Variants in SNRPC observed in about 807,000 individuals in gnomAD.
The protein encoded by SNRPC is small nuclear ribonucleoprotein polypeptide C, also known as U1 small nuclear ribonucleoprotein C.
SNRPC carries 5 observed loss-of-function variants against 20.0 expected under a neutral mutation model. The ratio of observed to expected loss-of-function variants is 0.25; its 90% CI spans 0.13 to 0.53. SNRPC has a LOEUF of 0.53. SNRPC is among the 20% of genes least tolerant of loss of function. The pLI is 0.96. For synonymous variants in SNRPC, 61 were observed against 58.7 expected, an observed-to-expected ratio of 1.04 and a Z score of -0.18; for missense variants, 112 against 224.1, an observed-to-expected ratio of 0.50 and a Z score of 3.19.
intron 3 of SNRPC, among the ~76,000 whole-genome samples, chr6:34,765,432 T>C (rs1223066203): frequency 3.3e-5 from 5 of 151,204 alleles, no homozygotes; most frequent in African/African-American, 7.3e-5. Flanking sequence ...TATTTATTTA[T>C]TTATTTATTT....
At chr6:34,758,774 T>C (rs1230577062) in intron 2 of SNRPC, among the ~76,000 whole-genome samples, 1 of 151,816 alleles carries the variant, frequency 6.6e-6, no homozygotes, top group Admixed American at 6.6e-5. Context: ...GATTATGTAA[T>C]GAAAACCCTT....
In SNRPC at chr6:34,773,760, T is replaced by C. The variant is rs149354688; in HGVS notation, c.*190T>C. ...TGCAGTTTTCCTTTGTATTGGGAAA[T>C]GTGAAAATAAAATTGTCAACTCTTT... On this transcript the variant is annotated 3_prime_UTR_variant, in exon 6 of 6. Transcript: ENST00000244520. This position sits in a 1 kb window ranked among gnomAD's most constrained non-coding sequence, Gnocchi z 4.1. 8.7e-6 allele frequency: 4 copies of C among 459,136 alleles called. No individual in the cohort carries two copies. In the East Asian group the frequency reaches 1.3e-4, roughly 15 times the overall value. 28.4% of individuals were successfully genotyped at this position (459,136 alleles called of 1,614,324 possible).
At chr6:34,764,005 A>G (rs982769895) in intron 3 of SNRPC, among the ~76,000 whole-genome samples, 2 of 150,036 alleles carry the variant, frequency 1.3e-5, no homozygotes, top group Non-Finnish European at 3.0e-5. Context: ...GTGAGCCACC[A>G]TGCCCAGCCA....
intron 3 of SNRPC, among the ~76,000 whole-genome samples, chr6:34,764,457 CAA>C (rs1257162818): frequency 6.7e-6 from 1 of 148,536 alleles, no homozygotes; most frequent in Non-Finnish European, 1.5e-5. Flanking sequence ...GCCTGGGCAA[CAA>C]GAGGGAAACT....
chr6:34,772,221 G>A (rs951489676), intron 5 of SNRPC, among the ~76,000 whole-genome samples: 1 of 152,116 alleles, frequency 6.6e-6, no homozygotes, highest in African/African-American at 2.4e-5. Flanking sequence ...TACTATTCTT[G>A]TGTATGTTTG....
At position 34,757,781 on chromosome 6, in the gene SNRPC, T is replaced by A. The variant is rs1452245716; in HGVS notation, c.9-131T>A. The A allele has an allele frequency of 2.5e-6, 4 of 1,591,282 alleles. No homozygotes were observed. In the East Asian group the frequency reaches 9.0e-5, roughly 36 times the overall value. On this transcript the variant is annotated intron_variant, in intron 1 of 5. Transcript: ENST00000244520. ...GGTTTATGTGTCGACGCTTTGATGC[T>A]TTTGAGTCGTGAGGCGGTCTGGCTT...
At chr6:34,763,256 C>T (rs769286828) in intron 3 of SNRPC, among the ~76,000 whole-genome samples, 2 of 152,076 alleles carry the variant, frequency 1.3e-5, no homozygotes, top group Admixed American at 6.6e-5. Flanking sequence ...TTATTGGGTC[C>T]GGGACACTAA....
At chr6:34,768,066 T>TCAC (rs1764637433) in intron 4 of SNRPC, 69 bp downstream of exon 4, 3 of 1,424,222 alleles carry the variant, frequency 2.1e-6, no homozygotes, top group Non-Finnish European at 2.9e-6. Context: ...TTAGATTATC[T>TCAC]CACCGTTGGC....
intron 3 of SNRPC, among the ~76,000 whole-genome samples, chr6:34,764,471 C>T (rs1204477303): frequency 6.8e-6 from 1 of 146,966 alleles, no homozygotes; most frequent in Non-Finnish European, 1.5e-5. Context: ...AGGGAAACTC[C>T]GTCTCAAAAA....
intron 3 of SNRPC, among the ~76,000 whole-genome samples, chr6:34,766,992 GTTTCTCTTGT>G (rs1456587299): frequency 6.6e-6 from 1 of 151,858 alleles, no homozygotes; most frequent in Non-Finnish European, 1.5e-5. Flanking sequence ...ATGATCTTCA[GTTTCTCTTGT>G]TTTCTCTTGT....
chr6:34,760,302 G>A (rs575991218), intron 2 of SNRPC, among the ~76,000 whole-genome samples: 14 of 151,892 alleles, frequency 9.2e-5, no homozygotes, highest in South Asian at 4.1e-4. Context: ...TAGTACAGAC[G>A]GGGTTTCACC....
rs138637796 is a variant in SNRPC at position 34,768,450 on chromosome 6, C to T, written c.250+453C>T. On this transcript the variant is annotated intron_variant, in intron 4 of 5. Transcript: ENST00000244520. The stretch of plus-strand genomic sequence containing the variant: ...AACCCACCTAACACCAAAATCTATA[C>T]CTTAGAAAGATAAGAATTAGGCTGG... Among the ~76,000 whole-genome samples, 924 of 152,188 alleles carry T rather than the reference C, an allele frequency of 6.1e-3. 1 individual carries two copies. Among genetic ancestry groups the T allele is most frequent in the Middle Eastern group, 0.01 (3 of 294 alleles).
At chr6:34,758,830 C>T (rs1581588181) in intron 2 of SNRPC, among the ~76,000 whole-genome samples, 1 of 151,384 alleles carries the variant, frequency 6.6e-6, no homozygotes, top group Admixed American at 6.6e-5. Flanking sequence ...ATCGAGACCA[C>T]GGTGAAACCC....
intron 4 of SNRPC, among the ~76,000 whole-genome samples, chr6:34,769,849 G>C (rs561036640): frequency 6.6e-6 from 1 of 152,220 alleles, no homozygotes; most frequent in East Asian, 1.9e-4. Flanking sequence ...TTGTGGATCT[G>C]CTATTATAAA....
In SNRPC at chr6:34,760,169, A is replaced by G. The variant is rs571801380; in HGVS notation, c.51+2215A>G. ...GCTTTATTTCCTGGGCTGGAGTGCA[A>G]TGGCGCGATCTTGTTTCACTGCAGC... On this transcript the variant is annotated intron_variant, in intron 2 of 5. Coordinates refer to ENST00000244520, the MANE Select transcript of SNRPC (RefSeq NM_003093.3). Among the ~76,000 whole-genome samples, 150 of 145,310 alleles carry G rather than the reference A, an allele frequency of 1.0e-3. 1 individual carries two copies. The highest frequency in any genetic ancestry group is 3.7e-3 in the African/African-American group (143 of 38,538).
intron 3 of SNRPC, among the ~76,000 whole-genome samples, chr6:34,764,672 ATAATAAT>A (rs1311142622): frequency 6.6e-6 from 1 of 151,882 alleles, no homozygotes; most frequent in Non-Finnish European, 1.5e-5. Context: ...CAAAAAAATA[ATAATAAT>A]TAATAAATAA....
intron 5 of SNRPC, among the ~76,000 whole-genome samples, chr6:34,772,013 C>A (rs9462016): frequency 0.19 from 29,428 of 152,104 alleles, 3,368 homozygotes; most frequent in African/African-American, 0.31. Context: ...GTTGCCTTTT[C>A]TCCTGAGTTT....
intron 2 of SNRPC, among the ~76,000 whole-genome samples, chr6:34,758,593 G>A (rs556490197): frequency 2.0e-5 from 3 of 152,168 alleles, no homozygotes; most frequent in South Asian, 2.1e-4. Context: ...GAGATTACAG[G>A]TGTGAGCCAC....
intron 5 of SNRPC, among the ~76,000 whole-genome samples, chr6:34,771,186 A>T (rs1329362204): frequency 6.6e-6 from 1 of 152,010 alleles, no homozygotes; most frequent in Non-Finnish European, 1.5e-5. Context: ...AAAATTAGCC[A>T]GGTGTGGTGG....
Sources: allele counts gnomAD v4.1 joint callset (sites outside exome capture counted in the v4.1 genomes callset), GRCh38; gene constraint gnomAD v4.1.1; non-coding constraint Gnocchi (gnomAD v3.1); transcripts MANE v1.5; gene names NCBI Gene and HGNC (gene_info 2026-07-23, HGNC 2026-07-21).